The following PCDH9 variants were observed in gnomAD, a reference collection of about 807,000 sequenced individuals.
PCDH9 encodes the protein protocadherin 9.
A neutral mutation model predicts 70.6 loss-of-function variants in PCDH9; 24 were observed. That is an observed-to-expected ratio of 0.34 (90% confidence interval 0.25 to 0.48). The LOEUF (loss-of-function observed/expected upper bound fraction) is 0.48, where lower values mean the gene tolerates loss of function less well. Among genes scored for constraint, PCDH9 ranks in the 20% least tolerant of loss-of-function variants. The pLI, the probability that PCDH9 is intolerant of heterozygous loss-of-function variation, is 0.99. For missense variants in PCDH9, 1,281 were observed against 1,503.6 expected (o/e 0.85, Z 2.45); for synonymous variants, 562 against 558.5 (o/e 1.01, Z -0.09).
At chr13:66,812,901 C>T (rs867100915) in intron 3 of PCDH9, among the ~76,000 whole-genome samples, 1 of 152,314 alleles carries the variant, frequency 6.6e-6, no homozygotes, top group Middle Eastern at 3.4e-3. Flanking sequence ...CAGGCACCAA[C>T]TTGTCCCAAC....
At chr13:67,224,750 A>G in intron 2 of PCDH9, 1 of 765,786 alleles carries the variant, frequency 1.3e-6, no homozygotes, top group Non-Finnish European at 1.6e-6. Flanking sequence ...TTTTTTTTGA[A>G]AGAGTATTTG....
At chr13:66,905,775 A>T (rs886561335) in intron 2 of PCDH9, among the ~76,000 whole-genome samples, 2 of 152,154 alleles carry the variant, frequency 1.3e-5, no homozygotes, top group African/African-American at 4.8e-5. Flanking sequence ...TCTACAAGGA[A>T]CCTCTGTAGA....
intron 3 of PCDH9, among the ~76,000 whole-genome samples, chr13:66,662,270 C>T (rs569458154): frequency 5.3e-5 from 8 of 151,866 alleles, no homozygotes; most frequent in Admixed American, 4.6e-4. Context: ...GTTGGGAGTT[C>T]GAGACCAGCC....
intron 4 of PCDH9, among the ~76,000 whole-genome samples, chr13:66,606,310 C>A (rs990811143): frequency 6.6e-6 from 1 of 152,030 alleles, no homozygotes; most frequent in Non-Finnish European, 1.5e-5. Context: ...TTTAACCGTG[C>A]CTCCTGTGTG....
At chr13:66,980,732 T>TC (rs1404103459) in intron 2 of PCDH9, among the ~76,000 whole-genome samples, 2 of 137,624 alleles carry the variant, frequency 1.5e-5, no homozygotes, top group African/African-American at 5.4e-5. Flanking sequence ...TTTTCTTTGT[T>TC]TTTTTTTTTG....
At chr13:66,699,662 G>A (rs1309706890) in intron 3 of PCDH9, among the ~76,000 whole-genome samples, 7 of 152,146 alleles carry the variant, frequency 4.6e-5, no homozygotes, top group African/African-American at 1.7e-4. Flanking sequence ...AGAGCCTCCT[G>A]AGGAAGTAAA....
chr13:66,543,280 TA>T (rs1961042022), intron 4 of PCDH9, among the ~76,000 whole-genome samples: 1 of 151,938 alleles, frequency 6.6e-6, no homozygotes, highest in Non-Finnish European at 1.5e-5. Flanking sequence ...GTTATATGAG[TA>T]AAATGATGGC....
chr13:66,962,132 C>A (rs2083359429), intron 2 of PCDH9, among the ~76,000 whole-genome samples: 1 of 151,532 alleles, frequency 6.6e-6, no homozygotes, highest in Admixed American at 6.6e-5. Flanking sequence ...GTAAAACAAG[C>A]AATTTCTTAA....
chr13:66,950,768 C>G (rs2083166376), intron 2 of PCDH9, among the ~76,000 whole-genome samples: 1 of 152,082 alleles, frequency 6.6e-6, no homozygotes. Flanking sequence ...ACCTCTGAAA[C>G]AATTAAAACC....
chr13:66,894,133 A>T (rs2082138392), intron 3 of PCDH9, among the ~76,000 whole-genome samples: 1 of 152,194 alleles, frequency 6.6e-6, no homozygotes, highest in African/African-American at 2.4e-5. Context: ...TGTAGACATC[A>T]AATGATCTAA....
intron 3 of PCDH9, among the ~76,000 whole-genome samples, chr13:66,726,118 G>C (rs1460595678): frequency 6.6e-6 from 1 of 152,052 alleles, no homozygotes; most frequent in African/African-American, 2.4e-5. Flanking sequence ...AAGTTTTCCT[G>C]TTAAAAGGAA....
chr13:66,442,068 A>G (rs184940026), intron 4 of PCDH9, among the ~76,000 whole-genome samples: 26 of 152,230 alleles, frequency 1.7e-4, no homozygotes, highest in Non-Finnish European at 1.2e-4. Flanking sequence ...GTTTACAGGT[A>G]ATGTTTCCAA....
intron 4 of PCDH9, among the ~76,000 whole-genome samples, chr13:66,541,508 T>C (rs1960953864): frequency 1.3e-5 from 2 of 152,300 alleles, no homozygotes; most frequent in Middle Eastern, 3.4e-3. Flanking sequence ...CTTTTAATTG[T>C]CGGTGGTTTC....
intron 3 of PCDH9, among the ~76,000 whole-genome samples, chr13:66,779,873 A>ATATATATATTTGTGTG (rs375882917): frequency 8.6e-6 from 1 of 115,878 alleles, no homozygotes; most frequent in Non-Finnish European, 1.7e-5. Flanking sequence ...ATATACATAT[A>ATATATATATTTGTGTG]TGTGTGTGTG....
At chr13:66,525,137 G>A (rs553392155) in intron 4 of PCDH9, among the ~76,000 whole-genome samples, 1 of 151,934 alleles carries the variant, frequency 6.6e-6, no homozygotes, top group African/African-American at 2.4e-5. Flanking sequence ...GTTCTCCCTT[G>A]TCGCTCTCAT....
intron 2 of PCDH9, among the ~76,000 whole-genome samples, chr13:67,181,680 T>C (rs2088619330): frequency 6.6e-6 from 1 of 152,124 alleles, no homozygotes; most frequent in Non-Finnish European, 1.5e-5. Context: ...AAGTGAATCT[T>C]GGAAAGAAGG....
intron 2 of PCDH9, among the ~76,000 whole-genome samples, chr13:67,140,957 C>G (rs1461386918): frequency 1.2e-4 from 19 of 152,062 alleles, no homozygotes; most frequent in Admixed American, 1.2e-3. Flanking sequence ...TTTTCCCCCT[C>G]ATTTTTTTCT....
chr13:66,881,797 A>G (rs1227109556), intron 3 of PCDH9, among the ~76,000 whole-genome samples: 1 of 152,158 alleles, frequency 6.6e-6, no homozygotes, highest in Admixed American at 6.6e-5. Flanking sequence ...AACCATAGAA[A>G]TGGGACAAAG....
intron 4 of PCDH9, among the ~76,000 whole-genome samples, chr13:66,530,353 T>A (rs1960399428): frequency 6.6e-6 from 1 of 152,092 alleles, no homozygotes; most frequent in Admixed American, 6.5e-5. Context: ...AATGCTGACT[T>A]GGTAACATTT....
Sources: gnomAD v4.1 joint callset for allele counts (sites outside exome capture counted in the v4.1 genomes callset) on GRCh38, gnomAD v4.1.1 for gene constraint, MANE v1.5 for transcripts, NCBI Gene and HGNC (gene_info 2026-07-23, HGNC 2026-07-21) for gene names.